Variants in RAI14 observed in about 807,000 individuals in gnomAD.
RAI14 encodes the protein retinoic acid induced 14.
A neutral mutation model predicts 115.4 loss-of-function variants in RAI14; 45 were observed. The ratio of observed to expected loss-of-function variants is 0.39; its 90% CI spans 0.31 to 0.50. The LOEUF is 0.50. RAI14 is among the 20% of genes least tolerant of loss of function. RAI14 has a pLI of 0.85. For missense variants in RAI14, 939 were observed against 1,131.2 expected (o/e 0.83, Z 2.44); for synonymous variants, 371 against 415.4 (o/e 0.89, Z 1.30).
intron 3 of RAI14, among the ~76,000 whole-genome samples, chr5:34,780,614 A>T (rs1751495016): frequency 1.3e-5 from 2 of 152,248 alleles, no homozygotes; most frequent in African/African-American, 4.8e-5. Flanking sequence ...CAACAGACAC[A>T]TGAAAAAATG....
At chr5:34,769,929 A>G (rs1749930859) in intron 3 of RAI14, among the ~76,000 whole-genome samples, 1 of 152,126 alleles carries the variant, frequency 6.6e-6, no homozygotes, top group South Asian at 2.1e-4. Flanking sequence ...GGGTTTCACC[A>G]TGTTGGCCAG....
At chr5:34,796,923 A>G (rs1460619849) in intron 4 of RAI14, among the ~76,000 whole-genome samples, 1 of 152,194 alleles carries the variant, frequency 6.6e-6, no homozygotes, top group African/African-American at 2.4e-5. Context: ...GTTGCCAGTC[A>G]ACTGGTATTT....
At chr5:34,710,207 A>C (rs571902461) in intron 2 of RAI14, among the ~76,000 whole-genome samples, 55 of 152,294 alleles carry the variant, frequency 3.6e-4, no homozygotes, top group African/African-American at 1.3e-3. Context: ...TAGCAGGGCC[A>C]TCCTGCCTCT....
intron 7 of RAI14, among the ~76,000 whole-genome samples, chr5:34,810,590 T>C (rs568975990): frequency 2.0e-4 from 30 of 152,336 alleles, no homozygotes; most frequent in Admixed American, 1.2e-3. Flanking sequence ...ATATAATGAT[T>C]AGTGCACTGG....
intron 2 of RAI14, among the ~76,000 whole-genome samples, chr5:34,703,254 G>T (rs1017414104): frequency 2.6e-5 from 4 of 152,162 alleles, no homozygotes; most frequent in Non-Finnish European, 5.9e-5. Flanking sequence ...AATGCATATG[G>T]TATACATCAA....
In RAI14 at chr5:34,800,174, C is replaced by T. The variant is rs556484405; in HGVS notation, c.257-3538C>T. On this transcript the variant is annotated intron_variant, in intron 4 of 17. Transcript: ENST00000265109. ...CTTAATTCTTCCCTGTTTTTTCTAG[C>T]TATCTTAAGAATTGAATACATGGTC... Among the ~76,000 whole-genome samples the T allele has an allele frequency of 2.8e-4, 43 of 152,184 alleles. No homozygotes were observed. In the East Asian group the frequency reaches 8.3e-3, roughly 29 times the overall value.
intron 3 of RAI14, among the ~76,000 whole-genome samples, chr5:34,764,379 G>A (rs1252510176): frequency 6.6e-6 from 1 of 152,188 alleles, no homozygotes; most frequent in Non-Finnish European, 1.5e-5. Context: ...GTTTCAGAAA[G>A]CACTTTAGGT....
chr5:34,699,050 G>A (rs767066464), intron 2 of RAI14, among the ~76,000 whole-genome samples: 45 of 152,116 alleles, frequency 3.0e-4, no homozygotes, highest in Admixed American at 2.0e-3. Flanking sequence ...GAAATCTGGC[G>A]TGGCCTTAGC....
chr5:34,687,394 A>G (rs1737976521), intron 2 of RAI14, among the ~76,000 whole-genome samples: 1 of 152,088 alleles, frequency 6.6e-6, no homozygotes, highest in Non-Finnish European at 1.5e-5. Flanking sequence ...CTCTCTGTTA[A>G]GGGTTTTGTG....
chr5:34,769,186 T>C lies in RAI14; in HGVS notation c.167+11588T>C, dbSNP rs1465739074. On this transcript the variant is annotated intron_variant, in intron 3 of 17. Transcript: ENST00000265109. ...ACATGCCAGTCATTTATTATACCTT[T>C]TGAGCAGGGAAAGGCAACAAATGTT... Among the ~76,000 whole-genome samples the C allele has an allele frequency of 2.0e-5, 3 of 152,162 alleles. 1 individual carries two copies. The highest frequency in any genetic ancestry group is 2.9e-5 in the Non-Finnish European group (2 of 68,028).
At position 34,791,485 on chromosome 5, in the gene RAI14, A is replaced by G. The variant is rs1476734650; in HGVS notation, c.168-4454A>G. Among the ~76,000 whole-genome samples, 1 of 152,058 alleles carries G rather than the reference A, an allele frequency of 6.6e-6. No homozygotes were observed. Among genetic ancestry groups the G allele is most frequent in the East Asian group, 1.9e-4 (1 of 5,196 alleles). ...TATATTAAATAAGCAAACAAACTAT[A>G]TGTGGCAATTAAAACTTAAAAAAAA... On this transcript the variant is annotated intron_variant, in intron 3 of 17. Transcript: ENST00000265109. This position sits in a 1 kb window ranked among gnomAD's most constrained non-coding sequence, Gnocchi z 5.4.
chr5:34,710,191 T>G (rs1741224875), intron 2 of RAI14, among the ~76,000 whole-genome samples: 1 of 152,130 alleles, frequency 6.6e-6, no homozygotes, highest in Admixed American at 6.5e-5. Flanking sequence ...AGGCGAGAAG[T>G]CTGTGTAGCA....
chr5:34,746,514 C>T (rs1160881211), intron 2 of RAI14, among the ~76,000 whole-genome samples: 5 of 151,460 alleles, frequency 3.3e-5, no homozygotes, highest in African/African-American at 4.9e-5. Context: ...AAGCAATTCT[C>T]CTGCCTCCGC....
At chr5:34,718,048 T>C (rs2149984994) in intron 2 of RAI14, among the ~76,000 whole-genome samples, 1 of 152,062 alleles carries the variant, frequency 6.6e-6, no homozygotes, top group South Asian at 2.1e-4. Context: ...TTGACCACAA[T>C]CACTGTCACT....
intron 2 of RAI14, among the ~76,000 whole-genome samples, chr5:34,698,806 A>G (rs1207737116): frequency 6.6e-6 from 1 of 152,124 alleles, no homozygotes; most frequent in Admixed American, 6.5e-5. Context: ...TCACTGTAGG[A>G]TGATTTGGGG....
At chr5:34,719,405 C>T (rs928295969) in intron 2 of RAI14, among the ~76,000 whole-genome samples, 1 of 152,176 alleles carries the variant, frequency 6.6e-6, no homozygotes, top group African/African-American at 2.4e-5. Flanking sequence ...TTGAGATTGT[C>T]ACAACATCCC....
At chr5:34,723,327 C>T (rs10941218) in intron 2 of RAI14, among the ~76,000 whole-genome samples, 37,601 of 151,816 alleles carry the variant, frequency 0.25, 4,908 homozygotes, top group African/African-American at 0.34. Flanking sequence ...CTGGCAGAAT[C>T]GGAATCTGTA....
chr5:34,824,964 AAAAAG>A (rs1201313628), intron 15 of RAI14, among the ~76,000 whole-genome samples: 41 of 151,606 alleles, frequency 2.7e-4, no homozygotes, highest in Admixed American at 2.7e-3. Flanking sequence ...AAAAAAAAAA[AAAAAG>A]AATAGTTTAT....
intron 1 of RAI14, among the ~76,000 whole-genome samples, chr5:34,668,701 C>A (rs1016529880): frequency 1.3e-5 from 2 of 151,826 alleles, no homozygotes; most frequent in Admixed American, 6.6e-5. Context: ...GAAAAAAAAA[C>A]TATTTAAAAT....
Sources: gnomAD v4.1 joint callset for allele counts (sites outside exome capture counted in the v4.1 genomes callset) on GRCh38, gnomAD v4.1.1 for gene constraint, Gnocchi (gnomAD v3.1) non-coding constraint, MANE v1.5 for transcripts, NCBI Gene and HGNC (gene_info 2026-07-23, HGNC 2026-07-21) for gene names.